The following TBC1D22A variants were observed in gnomAD, a reference collection of about 807,000 sequenced individuals.
TBC1D22A encodes TBC1 domain family member 22A.
TBC1D22A carries 38 observed loss-of-function variants against 60.2 expected under a neutral mutation model. The ratio of observed to expected loss-of-function variants is 0.63; its 90% CI spans 0.49 to 0.83. The LOEUF is 0.83. Among genes scored for constraint, TBC1D22A ranks in the 40% least tolerant of loss-of-function variants. TBC1D22A has a pLI of 0.00. For missense variants in TBC1D22A, 628 were observed against 701.0 expected (o/e 0.90, Z 1.18); for synonymous variants, 302 against 281.7 (o/e 1.07, Z -0.72).
chr22:46,900,897 C>A (rs1238804945), intron 7 of TBC1D22A, among the ~76,000 whole-genome samples: 1 of 152,204 alleles, frequency 6.6e-6, no homozygotes, highest in African/African-American at 2.4e-5. Flanking sequence ...CCTGTTCTCA[C>A]TGCTGATTTT....
chr22:47,154,971 C>T (rs774742701), intron 12 of TBC1D22A, among the ~76,000 whole-genome samples: 49 of 152,186 alleles, frequency 3.2e-4, no homozygotes, highest in South Asian at 6.2e-4. Flanking sequence ...ATTTCTTGAG[C>T]GGCATCTCCA....
At position 46,769,273 on chromosome 22, in the gene TBC1D22A, G is replaced by A. The variant is rs61129465; in HGVS notation, c.62+6425G>A. On this transcript the variant is annotated intron_variant, in intron 1 of 12. Coordinates refer to ENST00000337137, the MANE Select transcript of TBC1D22A (RefSeq NM_014346.5). Reference sequence around the variant, plus strand: ...CGAGATGTCTGTGAGCAAATCAGACGGTCGGCTGAATAGGCCACAGTCCGT... The same window carrying A: ...CGAGATGTCTGTGAGCAAATCAGACAGTCGGCTGAATAGGCCACAGTCCGT... 3.8e-3 allele frequency among the ~76,000 whole-genome samples: 576 copies of A among 152,302 alleles called. 5 individuals are homozygous for A. Among genetic ancestry groups the A allele is most frequent in the African/African-American group, 0.013 (541 of 41,556 alleles).
chr22:47,047,976 ACCATG>A (rs2063083942), intron 11 of TBC1D22A, among the ~76,000 whole-genome samples: 3 of 152,168 alleles, frequency 2.0e-5, no homozygotes, highest in Non-Finnish European at 4.4e-5. Context: ...CTTTCCCCAG[ACCATG>A]TGGCTGGATG....
At chr22:46,907,598 C>T (rs2069582166) in intron 7 of TBC1D22A, among the ~76,000 whole-genome samples, 1 of 152,174 alleles carries the variant, frequency 6.6e-6, no homozygotes. Context: ...CTCCACCGTC[C>T]TCGCCTCCAC....
At chr22:46,812,401 G>A (rs2085417024) in intron 4 of TBC1D22A, among the ~76,000 whole-genome samples, 1 of 152,206 alleles carries the variant, frequency 6.6e-6, no homozygotes. Flanking sequence ...GAGACACGGA[G>A]CACCCATGAA....
chr22:46,961,962 G>A (rs2073529619), intron 8 of TBC1D22A, among the ~76,000 whole-genome samples: 1 of 152,226 alleles, frequency 6.6e-6, no homozygotes, highest in Admixed American at 6.5e-5. Flanking sequence ...TTGGTTTCCT[G>A]CATGTTTTCA....
At chr22:47,117,380 G>A (rs2066108681) in intron 12 of TBC1D22A, among the ~76,000 whole-genome samples, 1 of 48,696 alleles carries the variant, frequency 2.1e-5, no homozygotes, top group African/African-American at 8.9e-5. Flanking sequence ...CCGTGGCATC[G>A]AGCAGGGAGA....
At chr22:46,912,533 A>AATCTGTCTGTCT (rs200272945) in intron 8 of TBC1D22A, among the ~76,000 whole-genome samples, 1 of 151,950 alleles carries the variant, frequency 6.6e-6, no homozygotes, top group African/African-American at 2.4e-5. Flanking sequence ...TCAGTCAATC[A>AATCTGTCTGTCT]GTCTGTCTGT....
chr22:47,127,291 G>A (rs561133745), intron 12 of TBC1D22A, among the ~76,000 whole-genome samples: 51 of 144,912 alleles, frequency 3.5e-4, no homozygotes, highest in East Asian at 2.0e-3. Context: ...GCAGTGACGC[G>A]ATCTTGGCTC....
At chr22:46,969,600 T>C (rs1387197024) in intron 8 of TBC1D22A, among the ~76,000 whole-genome samples, 1 of 152,252 alleles carries the variant, frequency 6.6e-6, no homozygotes, top group East Asian at 1.9e-4. Context: ...ACTTCACATT[T>C]TGTTGTGGTC....
chr22:46,843,846 T>C (rs2086879374), intron 4 of TBC1D22A, among the ~76,000 whole-genome samples: 1 of 151,950 alleles, frequency 6.6e-6, no homozygotes, highest in Non-Finnish European at 1.5e-5. Flanking sequence ...AAACACAGCC[T>C]GGGGAGTAGC....
intron 12 of TBC1D22A, among the ~76,000 whole-genome samples, chr22:47,133,655 ACCGGCGGCTC>A (rs982845512): frequency 1.2e-4 from 19 of 152,062 alleles, no homozygotes; most frequent in African/African-American, 4.3e-4. Flanking sequence ...CCTGGGACTT[ACCGGCGGCTC>A]CTGGAACCCT....
At chr22:46,767,011 G>A (rs2083312448) in intron 1 of TBC1D22A, among the ~76,000 whole-genome samples, 1 of 152,162 alleles carries the variant, frequency 6.6e-6, no homozygotes, top group Admixed American at 6.5e-5. Flanking sequence ...ACCGATACCT[G>A]GTGTTTATTC....
Position 46,912,202 on chromosome 22 carries a change from C to T in TBC1D22A, c.1015+14C>T, listed in dbSNP as rs1430752561. ...GTGAATACATAGGTAAGATTTCTTGCAAACATTAAACGTGAACTTTAGTGG... is the reference window on the plus strand; with the variant it reads ...GTGAATACATAGGTAAGATTTCTTGTAAACATTAAACGTGAACTTTAGTGG... On this transcript the variant is annotated intron_variant, in intron 8 of 12. Coordinates refer to ENST00000337137, the MANE Select transcript of TBC1D22A (RefSeq NM_014346.5). 1 of 1,592,518 alleles carries T rather than the reference C, an allele frequency of 6.3e-7. No individual in the cohort carries two copies. The highest frequency in any genetic ancestry group is 2.2e-5 in the East Asian group (1 of 44,788).
chr22:46,994,253 T>TCCTGTCTTAGTGGGAGAG, intron 9 of TBC1D22A, among the ~76,000 whole-genome samples: 1 of 152,200 alleles, frequency 6.6e-6, no homozygotes, highest in South Asian at 2.1e-4. Context: ...GAGCCTAAAA[T>TCCTGTCTTAGTGGGAGAG]CCTGTCTTAG....
chr22:47,173,299 G>A (rs533410433), intron 12 of TBC1D22A, among the ~76,000 whole-genome samples, 199 bp from the exon 13 acceptor site: 1 of 152,264 alleles, frequency 6.6e-6, no homozygotes, highest in South Asian at 2.1e-4. Context: ...AGTTTTCCTG[G>A]GTCACCCACC....
intron 12 of TBC1D22A, among the ~76,000 whole-genome samples, chr22:47,165,069 G>A (rs1480636091): frequency 6.6e-6 from 1 of 152,166 alleles, no homozygotes; most frequent in Non-Finnish European, 1.5e-5. Context: ...GGCAGGGGGT[G>A]GAGTCCAGGC....
At chr22:46,791,115 A>G (rs1157594099) in intron 1 of TBC1D22A, among the ~76,000 whole-genome samples, 1 of 151,710 alleles carries the variant, frequency 6.6e-6, no homozygotes, top group Non-Finnish European at 1.5e-5. Context: ...CAGTGGTGCA[A>G]TCTTGGCTCA....
At chr22:46,779,952 G>T (rs2083868900) in intron 1 of TBC1D22A, among the ~76,000 whole-genome samples, 1 of 152,216 alleles carries the variant, frequency 6.6e-6, no homozygotes, top group South Asian at 2.1e-4. Flanking sequence ...CCTCGGGGTG[G>T]GCACAAGTTT....
Sources: gnomAD v4.1 joint callset for allele counts (sites outside exome capture counted in the v4.1 genomes callset) on GRCh38, gnomAD v4.1.1 for gene constraint, MANE v1.5 for transcripts, NCBI Gene and HGNC (gene_info 2026-07-23, HGNC 2026-07-21) for gene names.